EEIG1: variants seen among roughly 807,000 people sequenced by gnomAD.
EEIG1 encodes early estrogen-induced gene 1 protein.
At chr9:127,980,834 C>G in the EEIG1 span, among the ~76,000 whole-genome samples, 1 of 149,394 alleles carries the variant, frequency 6.7e-6, no homozygotes, top group Non-Finnish European at 1.5e-5. Flanking sequence ...CTCCTCGATC[C>G]TGGGACCCGC....
the EEIG1 span, chr9:127,944,885 A>G: frequency 6.2e-7 from 1 of 1,611,920 alleles, no homozygotes; most frequent in Admixed American, 1.7e-5. Context: ...CTCTCCACCG[A>G]GTCCTTCTTC....
chr9:127,977,779 T>A, the EEIG1 span, among the ~76,000 whole-genome samples: 1 of 152,172 alleles, frequency 6.6e-6, no homozygotes, highest in African/African-American at 2.4e-5. Context: ...GGCAAATCAT[T>A]TCCTCTCAGA....
the EEIG1 span, chr9:127,948,056 G>A: frequency 6.2e-7 from 1 of 1,607,176 alleles, no homozygotes; most frequent in Non-Finnish European, 8.5e-7. Flanking sequence ...GGGGCGGACA[G>A]ATGAGGAACT....
At chr9:127,969,431 T>G in the EEIG1 span, among the ~76,000 whole-genome samples, 1,663 of 152,326 alleles carry the variant, frequency 0.011, 16 homozygotes, top group Non-Finnish European at 0.015. Context: ...TTACAATAAC[T>G]GCCCTGGATG....
At chr9:127,965,184 G>A in the EEIG1 span, among the ~76,000 whole-genome samples, 5 of 140,850 alleles carry the variant, frequency 3.5e-5, no homozygotes, top group Non-Finnish European at 3.0e-5. Flanking sequence ...CATGACAAAC[G>A]AAGATTCCCA....
the EEIG1 span, chr9:127,943,570 A>ACTCC: frequency 3.0e-6 from 1 of 329,706 alleles, no homozygotes; most frequent in African/African-American, 2.1e-5. Flanking sequence ...GGTGACCAAG[A>ACTCC]GGGCAGTGGG....
the EEIG1 span, chr9:127,947,932 C>G: frequency 6.1e-6 from 6 of 977,922 alleles, no homozygotes; most frequent in Admixed American, 6.8e-5. Flanking sequence ...CAGGTCTCAT[C>G]AGCCCAGCAG....
chr9:127,950,771 C>T, the EEIG1 span: 1 of 1,245,212 alleles, frequency 8.0e-7, no homozygotes, highest in Non-Finnish European at 1.0e-6. Flanking sequence ...GCACAAAGCA[C>T]CCTTTGTGCC....
the EEIG1 span, among the ~76,000 whole-genome samples, chr9:127,976,469 C>T: frequency 6.6e-6 from 1 of 152,272 alleles, no homozygotes; most frequent in Admixed American, 6.5e-5. This position sits in a 1 kb window ranked among gnomAD's most constrained non-coding sequence, Gnocchi z 4.1. Flanking sequence ...CATTTACCAC[C>T]TGGGTGACCT....
At chr9:127,967,928 C>T in the EEIG1 span, among the ~76,000 whole-genome samples, 1 of 152,014 alleles carries the variant, frequency 6.6e-6, no homozygotes, top group African/African-American at 2.4e-5. Context: ...ACACAGTCCC[C>T]TACCTTCTTC....
chr9:127,945,304 G>A, the EEIG1 span: 55 of 1,299,592 alleles, frequency 4.2e-5, no homozygotes, highest in East Asian at 8.8e-4. The surrounding 1 kb of genome is among the most constrained non-coding windows in gnomAD (Gnocchi z 6.5). Flanking sequence ...GTAAAGAAGC[G>A]GAGGTTCAAG....
the EEIG1 span, among the ~76,000 whole-genome samples, chr9:127,961,447 T>C: frequency 2.0e-5 from 3 of 152,184 alleles, no homozygotes; most frequent in African/African-American, 7.2e-5. Context: ...AGGTCAGGAC[T>C]GAGGACATCT....
chr9:127,948,354 G>C, the EEIG1 span: 8 of 1,613,946 alleles, frequency 5.0e-6, no homozygotes, highest in African/African-American at 9.3e-5. Context: ...CCCTAGGCCT[G>C]TGCCAGCACT....
the EEIG1 span, chr9:127,953,943 CA>C: frequency 6.2e-7 from 1 of 1,612,954 alleles, no homozygotes; most frequent in African/African-American, 1.3e-5. Flanking sequence ...CCAGAGGCGA[CA>C]GGTGAGCACA....
chr9:127,972,212 T>A, the EEIG1 span, among the ~76,000 whole-genome samples: 1 of 152,114 alleles, frequency 6.6e-6, no homozygotes, highest in African/African-American at 2.4e-5. The surrounding 1 kb of genome is among the most constrained non-coding windows in gnomAD (Gnocchi z 4.3). Context: ...AGCATCTCCC[T>A]GTGGGGCAAG....
At chr9:127,943,411 G>T in the EEIG1 span, 1 of 638,818 alleles carries the variant, frequency 1.6e-6, no homozygotes, top group Non-Finnish European at 2.8e-6. Context: ...CAGTGACACA[G>T]ATAGTAAGCA....
At chr9:127,960,612 G>A in the EEIG1 span, among the ~76,000 whole-genome samples, 3 of 152,172 alleles carry the variant, frequency 2.0e-5, no homozygotes, top group Non-Finnish European at 2.9e-5. Flanking sequence ...GAGGCCTGGG[G>A]AGGCAGCTCG....
the EEIG1 span, chr9:127,948,013 TG>T: frequency 1.3e-6 from 2 of 1,554,228 alleles, no homozygotes; most frequent in Admixed American, 3.6e-5. Context: ...GGGCATGACA[TG>T]GAGGTAAACC....
the EEIG1 span, among the ~76,000 whole-genome samples, chr9:127,973,402 A>T: frequency 6.6e-6 from 1 of 152,176 alleles, no homozygotes; most frequent in African/African-American, 2.4e-5. This position sits in a 1 kb window ranked among gnomAD's most constrained non-coding sequence, Gnocchi z 4.2. Flanking sequence ...GGTTGCTGCT[A>T]AGAGCCTCTG....
Sources: allele counts gnomAD v4.1 joint callset (sites outside exome capture counted in the v4.1 genomes callset), GRCh38; gene constraint gnomAD v4.1.1; non-coding constraint Gnocchi (gnomAD v3.1); transcripts MANE v1.5; gene names NCBI Gene and HGNC (gene_info 2026-07-23, HGNC 2026-07-21).